HIVEP2: variants seen among roughly 807,000 people sequenced by gnomAD.
The protein encoded by HIVEP2 is HIVEP zinc finger 2.
HIVEP2 carries 14 observed loss-of-function variants against 180.7 expected under a neutral mutation model. The ratio of observed to expected loss-of-function variants is 0.08; its 90% CI spans 0.05 to 0.12. The LOEUF (loss-of-function observed/expected upper bound fraction) is 0.12, where lower values mean the gene tolerates loss of function less well. Among genes scored for constraint, HIVEP2 ranks in the 10% least tolerant of loss-of-function variants. The probability of loss-of-function intolerance (pLI) is 1.00; values close to 1 mark genes in which losing one functional copy is unlikely to be tolerated. For synonymous variants in HIVEP2, 1,184 were observed against 1,136.4 expected, an observed-to-expected ratio of 1.04 and a Z score of -0.84; for missense variants, 2,579 against 3,008.5, an observed-to-expected ratio of 0.86 and a Z score of 3.34.
chr6:142,858,674 C>A (rs1775891081), intron 1 of HIVEP2, among the ~76,000 whole-genome samples: 1 of 152,142 alleles, frequency 6.6e-6, no homozygotes, highest in Non-Finnish European at 1.5e-5. Flanking sequence ...TCACTGCAAC[C>A]TCTGCTTCCC....
Position 142,890,893 on chromosome 6 carries a change from T to C in HIVEP2, c.-640-53846A>G, listed in dbSNP as rs140398900. The stretch of plus-strand genomic sequence containing the variant: ...AGGGAAAGATCAATTTTAAAATAAT[T>C]ATAAGGATGATTACACTTCCATTTG... On this transcript the variant is annotated intron_variant, in intron 1 of 9. Coordinates refer to ENST00000367603, the MANE Select transcript of HIVEP2 (RefSeq NM_006734.4). 5.2e-3 allele frequency among the ~76,000 whole-genome samples: 791 copies of C among 152,242 alleles called. 11 individuals carry two copies. The highest frequency in any genetic ancestry group is 0.018 in the African/African-American group (764 of 41,548).
At chr6:142,849,196 T>G (rs1171590979) in intron 1 of HIVEP2, among the ~76,000 whole-genome samples, 1 of 152,140 alleles carries the variant, frequency 6.6e-6, no homozygotes, top group Non-Finnish European at 1.5e-5. Context: ...GTATGAAAAG[T>G]GCTGTAGTAC....
chr6:142,872,290 T>A (rs1011550616), intron 1 of HIVEP2, among the ~76,000 whole-genome samples: 3 of 152,192 alleles, frequency 2.0e-5, no homozygotes, highest in African/African-American at 7.2e-5. Flanking sequence ...TCATCAGACC[T>A]GAATAACATA....
At chr6:142,937,877 G>A (rs977546394) in intron 1 of HIVEP2, among the ~76,000 whole-genome samples, 8 of 152,156 alleles carry the variant, frequency 5.3e-5, no homozygotes, top group Non-Finnish European at 8.8e-5. Flanking sequence ...ACGTAATGTG[G>A]AGAGAGAGCC....
chr6:142,820,553 A>G (rs1300016161), intron 2 of HIVEP2, among the ~76,000 whole-genome samples: 1 of 152,230 alleles, frequency 6.6e-6, no homozygotes, highest in African/African-American at 2.4e-5. Flanking sequence ...ATAGCTGTTT[A>G]AACAGACGTT....
At chr6:142,838,546 T>A (rs1455779733) in intron 1 of HIVEP2, among the ~76,000 whole-genome samples, 1 of 152,156 alleles carries the variant, frequency 6.6e-6, no homozygotes, top group Non-Finnish European at 1.5e-5. Context: ...TAACATTTTA[T>A]GCAAAAGTTA....
chr6:142,838,753 T>G (rs1002574157), intron 1 of HIVEP2, among the ~76,000 whole-genome samples: 1 of 152,200 alleles, frequency 6.6e-6, no homozygotes. Flanking sequence ...GATTTCTCGA[T>G]GTACAATGTA....
intron 2 of HIVEP2, among the ~76,000 whole-genome samples, chr6:142,808,852 C>T (rs999450220): frequency 1.3e-5 from 2 of 152,050 alleles, no homozygotes; most frequent in African/African-American, 4.8e-5. Context: ...CATAACGAAT[C>T]TCTCAGCTGG....
chr6:142,887,449 T>G (rs573698951), intron 1 of HIVEP2, among the ~76,000 whole-genome samples: 11 of 152,312 alleles, frequency 7.2e-5, no homozygotes, highest in African/African-American at 2.6e-4. Context: ...TTGACAGCTT[T>G]CAGTCATGGT....
At chr6:142,754,599 C>T (rs1775017039) in intron 9 of HIVEP2, among the ~76,000 whole-genome samples, 1 of 152,206 alleles carries the variant, frequency 6.6e-6, no homozygotes, top group Non-Finnish European at 1.5e-5. Context: ...AAACCAAGTC[C>T]ATTTAAGTCT....
chr6:142,805,674 C>G (rs577321673), intron 2 of HIVEP2, among the ~76,000 whole-genome samples: 1 of 152,080 alleles, frequency 6.6e-6, no homozygotes, highest in Non-Finnish European at 1.5e-5. Flanking sequence ...GTCTCCTGAC[C>G]TAGCTCTACC....
intron 1 of HIVEP2, among the ~76,000 whole-genome samples, chr6:142,925,973 C>A (rs1304154995): frequency 6.6e-6 from 1 of 152,168 alleles, no homozygotes; most frequent in African/African-American, 2.4e-5. Flanking sequence ...CAACCAGGGA[C>A]GTAATCACAA....
chr6:142,913,746 T>C (rs894443679), intron 1 of HIVEP2, among the ~76,000 whole-genome samples: 3 of 152,174 alleles, frequency 2.0e-5, no homozygotes, highest in Admixed American at 1.3e-4. Context: ...CAAAGATGCA[T>C]CACTTTCCAC....
intron 2 of HIVEP2, among the ~76,000 whole-genome samples, chr6:142,792,775 T>C (rs1443222547): frequency 6.6e-6 from 1 of 151,742 alleles, no homozygotes; most frequent in Non-Finnish European, 1.5e-5. Flanking sequence ...AAAGAATGAA[T>C]AAAAGAAAGT....
chr6:142,922,193 C>G (rs1777699794), intron 1 of HIVEP2, among the ~76,000 whole-genome samples: 1 of 152,204 alleles, frequency 6.6e-6, no homozygotes, highest in South Asian at 2.1e-4. Context: ...TTCTCAAACT[C>G]TCACCAAGCT....
chr6:142,779,125 C>G (rs1775777385), intron 3 of HIVEP2, among the ~76,000 whole-genome samples: 1 of 152,094 alleles, frequency 6.6e-6, no homozygotes, highest in Non-Finnish European at 1.5e-5. Flanking sequence ...GGAGGGGGGT[C>G]TCACTTTCTT....
rs1187291830 is a variant in HIVEP2 at position 142,753,306 on chromosome 6, C to T, written c.7142G>A (p.Cys2381Tyr). Residue 2381 changes from cysteine to tyrosine, a missense_variant, in exon 10 of 10, where the codon TGT becomes TAT. Cys to Tyr is a radical substitution (Grantham distance 194). This residue lies in a region of HIVEP2 where 660 missense variants were observed against 731.7 expected (regional missense o/e 0.90). Coordinates refer to ENST00000367603, the MANE Select transcript of HIVEP2 (RefSeq NM_006734.4). ...CAAGTCAGGGTGGGTGGCTGAGGTA[C>T]AGGGCTGACCTGGCTCAGGTCTACT... Reference protein sequence around the residue: ...HFSRPEPGQPCTSATHPDLHD... With the variant: ...HFSRPEPGQPYTSATHPDLHD... 1 of 1,614,140 alleles carries T rather than the reference C, an allele frequency of 6.2e-7. No homozygotes were observed. Among genetic ancestry groups the T allele is most frequent in the Admixed American group, 1.7e-5 (1 of 60,016 alleles).
intron 1 of HIVEP2, among the ~76,000 whole-genome samples, chr6:142,892,647 T>C (rs889531338): frequency 1.3e-5 from 2 of 152,206 alleles, no homozygotes; most frequent in Non-Finnish European, 2.9e-5. Context: ...GCAAATATTT[T>C]AATGACCTTT....
At chr6:142,929,549 A>T (rs1199753691) in intron 1 of HIVEP2, among the ~76,000 whole-genome samples, 3 of 152,218 alleles carry the variant, frequency 2.0e-5, no homozygotes, top group Non-Finnish European at 4.4e-5. Flanking sequence ...AACTGTGAGG[A>T]TAAAAGGAAG....
Sources: gnomAD v4.1 joint callset for allele counts (sites outside exome capture counted in the v4.1 genomes callset) on GRCh38, gnomAD v4.1.1 for gene constraint, gnomAD v4.1.1 regional missense constraint, MANE v1.5 for transcripts, NCBI Gene and HGNC (gene_info 2026-07-23, HGNC 2026-07-21) for gene names.